The following SSUH2 variants were observed in gnomAD, a reference collection of about 807,000 sequenced individuals.
The protein encoded by SSUH2 is protein SSUH2 homolog.
SSUH2 carries 47 observed loss-of-function variants against 55.3 expected under a neutral mutation model. The observed-to-expected ratio is 0.85, with a 90% confidence interval of 0.67 to 1.08. The LOEUF (loss-of-function observed/expected upper bound fraction) is 1.08. SSUH2 is among the 50% of genes least tolerant of loss of function. SSUH2 has a pLI of 0.00. For missense variants in SSUH2, 535 were observed against 490.7 expected, an observed-to-expected ratio of 1.09 and a Z score of -0.85; for synonymous variants, 212 against 191.5, an observed-to-expected ratio of 1.11 and a Z score of -0.89.
upstream of SSUH2, chr3:8,644,849 C>G: frequency 9.3e-7 from 1 of 1,070,880 alleles, no homozygotes. Context: ...CCTCCCAGAA[C>G]AGCAGGCCCA....
intron 7 of SSUH2, 31 bp downstream of exon 7, chr3:8,629,633 C>CTGACTCACCAGTGGTTCACAGG: frequency 6.3e-7 from 1 of 1,587,726 alleles, no homozygotes; most frequent in Non-Finnish European, 8.6e-7. Context: ...CACACCCTCA[C>CTGACTCACCAGTGGTTCACAGG]TGACTCACCA....
intron 10 of SSUH2, among the ~76,000 whole-genome samples, chr3:8,624,929 C>T (rs959569092): frequency 6.6e-6 from 1 of 152,130 alleles, no homozygotes; most frequent in African/African-American, 2.4e-5. Flanking sequence ...AGGTCCACTC[C>T]CCAATTGCCC....
chr3:8,630,014 T>C (rs1192433590), intron 6 of SSUH2, among the ~76,000 whole-genome samples: 1 of 152,214 alleles, frequency 6.6e-6, no homozygotes, highest in Non-Finnish European at 1.5e-5. Context: ...CCTACCAGGC[T>C]GAACTACAAA....
At position 8,678,817 on chromosome 3, in the gene SSUH2, G is replaced by A. The variant is rs1173630351; in HGVS notation, c.-901+888C>T. The stretch of plus-strand genomic sequence containing the variant: ...GGACCCCATCGCAGGGAGAGGAGGC[G>A]GCACTCCCCACGAGGCGGGGACTGA... On this transcript the variant is annotated intron_variant, in intron 2 of 18. Transcript: ENST00000317371. Among the ~76,000 whole-genome samples the A allele has an allele frequency of 2.8e-5, 3 of 108,674 alleles. 1 individual carries two copies. The highest frequency in any genetic ancestry group is 9.6e-5 in the African/African-American group (3 of 31,322). The allele number at this position is 108,674 out of a possible 152,430, so 71.3% of individuals were successfully genotyped here.
Position 8,633,808 on chromosome 3 carries a change from G to A in SSUH2, c.210-13C>T, listed in dbSNP as rs144078609. The A allele has an allele frequency of 2.5e-5, 41 of 1,613,646 alleles. No individual in the cohort carries two copies. The highest frequency in any genetic ancestry group is 1.3e-4 in the Admixed American group (8 of 60,008). ...CATCGCAGGGACTCTGCAGGGGACC[G>A]AACAGAGAGGCGGGGGCTTCTGGGA... On this transcript the variant is annotated splice_polypyrimidine_tract_variant and intron_variant, in intron 3 of 11. Transcript: ENST00000544814.
At position 8,678,587 on chromosome 3, in the gene SSUH2, C is replaced by T. The variant is rs55995308; in HGVS notation, c.-901+1118G>A. On this transcript the variant is annotated intron_variant, in intron 2 of 18. Coordinates refer to the SSUH2 transcript ENST00000317371. ...ATCACAGAGGGGGGAACACCCCCCG[C>T]GAGGCAGGGACTGAGAGCCAGCCCT... Among the ~76,000 whole-genome samples the T allele has an allele frequency of 4.6e-4, 48 of 104,276 alleles. 5 individuals carry two copies. The highest frequency in any genetic ancestry group is 8.1e-4 in the Non-Finnish European group (38 of 46,696). 68.4% of individuals were successfully genotyped at this position (104,276 alleles called of 152,430 possible).
chr3:8,621,622 C>G (rs944978613), intron 11 of SSUH2, among the ~76,000 whole-genome samples: 2 of 152,194 alleles, frequency 1.3e-5, no homozygotes, highest in Non-Finnish European at 2.9e-5. Context: ...CCTCAGTTTC[C>G]TCATCTGTGA....
rs952283456 is a variant in SSUH2, at chr3:8,642,666, G to C, written c.28+2065C>G. ...TTTTGTCCCAAAACGTATCACTGGA[G>C]AAAGGTTTTCTCCCCCTGAAGTCAC... On this transcript the variant is annotated intron_variant, in intron 1 of 11. Coordinates refer to ENST00000544814, the MANE Select transcript of SSUH2 (RefSeq NM_001256748.3). 2.0e-5 allele frequency among the ~76,000 whole-genome samples: 3 copies of C among 152,224 alleles called. No homozygotes were observed. The East Asian group carries it at 5.8e-4, about 29-fold the overall frequency.
At chr3:8,631,035 C>G in intron 5 of SSUH2, 106 bp from the exon 6 acceptor site, 1 of 1,197,674 alleles carries the variant, frequency 8.3e-7, no homozygotes, top group Non-Finnish European at 1.1e-6. Flanking sequence ...AGGCATGAGT[C>G]TAGATCCTGG....
chr3:8,681,211 TC>T (rs1393930490), intron 1 of SSUH2, among the ~76,000 whole-genome samples: 92 of 136,838 alleles, frequency 6.7e-4, no homozygotes, highest in Middle Eastern at 9.1e-3. Context: ...CAGCCCCTCT[TC>T]CCCCCCTGGC....
At chr3:8,626,376 C>G in intron 8 of SSUH2, 55 bp from the exon 9 acceptor site, 1 of 1,369,672 alleles carries the variant, frequency 7.3e-7, no homozygotes, top group South Asian at 1.2e-5. Context: ...CTGGTGGCTT[C>G]CAGAGGCTCC....
chr3:8,654,266 T>A (rs1164594612), intron 7 of SSUH2, among the ~76,000 whole-genome samples: 1 of 152,188 alleles, frequency 6.6e-6, no homozygotes, highest in Non-Finnish European at 1.5e-5. Flanking sequence ...CATCTAAACC[T>A]AATTACGTCC....
At chr3:8,659,774 GTAAGAGA>G in intron 6 of SSUH2, 1 of 456,588 alleles carries the variant, frequency 2.2e-6, no homozygotes, top group Non-Finnish European at 4.4e-6. Context: ...TGTGTGCAGT[GTAAGAGA>G]TATGGAGATT....
intron 3 of SSUH2, among the ~76,000 whole-genome samples, chr3:8,673,135 A>G (rs984698765): frequency 5.8e-4 from 89 of 152,160 alleles, no homozygotes; most frequent in African/African-American, 2.0e-3. Context: ...ACAAGCTAAT[A>G]TTACTGTTTT....
intron 1 of SSUH2, among the ~76,000 whole-genome samples, chr3:8,640,719 C>A (rs1257647856): frequency 6.6e-6 from 1 of 152,052 alleles, no homozygotes; most frequent in Non-Finnish European, 1.5e-5. Context: ...GGTTTGGGAG[C>A]CATTGAAAAA....
chr3:8,678,943 C>CCA (rs1705693599), intron 2 of SSUH2, among the ~76,000 whole-genome samples: 2 of 112,892 alleles, frequency 1.8e-5, no homozygotes, highest in South Asian at 6.3e-4. Flanking sequence ...CACTCTTCCC[C>CCA]TCCTGGCTCT....
intron 3 of SSUH2, among the ~76,000 whole-genome samples, chr3:8,676,996 C>T (rs553444857): frequency 3.3e-5 from 5 of 149,846 alleles, no homozygotes; most frequent in African/African-American, 1.2e-4. Flanking sequence ...TACCTCTTCC[C>T]CCCCTGGCTC....
At chr3:8,627,522 G>A in intron 8 of SSUH2, 176 bp downstream of exon 8, 1 of 436,304 alleles carries the variant, frequency 2.3e-6, no homozygotes, top group Admixed American at 4.3e-5. Flanking sequence ...GAAATGCCAG[G>A]CCTTGAGAAA....
intron 6 of SSUH2, among the ~76,000 whole-genome samples, chr3:8,630,075 A>G (rs773050402): frequency 6.6e-6 from 1 of 152,228 alleles, no homozygotes; most frequent in Non-Finnish European, 1.5e-5. Context: ...TGGGAACAGA[A>G]GCCATTAAAA....
Sources: gnomAD v4.1 joint callset for allele counts (sites outside exome capture counted in the v4.1 genomes callset) on GRCh38, gnomAD v4.1.1 for gene constraint, MANE v1.5 for transcripts, NCBI Gene and HGNC (gene_info 2026-07-23, HGNC 2026-07-21) for gene names.